ZFYVE28: variants seen among roughly 807,000 people sequenced by gnomAD.
The protein encoded by ZFYVE28 is zinc finger FYVE-type containing 28.
Under a neutral mutation model 82.1 loss-of-function variants are expected in ZFYVE28, and 40 were observed. That is an observed-to-expected ratio of 0.49 (90% CI 0.38 to 0.63). The LOEUF (loss-of-function observed/expected upper bound fraction) is 0.63, where lower values mean the gene tolerates loss of function less well. ZFYVE28 is among the 30% of genes least tolerant of loss of function. ZFYVE28 has a pLI of 0.00. For missense variants in ZFYVE28, 1,321 were observed against 1,242.1 expected (o/e 1.06, Z -0.96); for synonymous variants, 612 against 546.1 (o/e 1.12, Z -1.68).
At chr4:2,401,544 G>T (rs875134) in intron 1 of ZFYVE28, among the ~76,000 whole-genome samples, 52 of 151,708 alleles carry the variant, frequency 3.4e-4, no homozygotes, top group Middle Eastern at 3.4e-3. Flanking sequence ...CCCCACCCCA[G>T]GCCCTCCCCC....
chr4:2,386,491 A>G (rs1729271895), intron 1 of ZFYVE28, among the ~76,000 whole-genome samples: 1 of 151,968 alleles, frequency 6.6e-6, no homozygotes, highest in Non-Finnish European at 1.5e-5. Context: ...TCTCAAAACA[A>G]AAAGAGGTGG....
rs114687964 is a variant in ZFYVE28, at chr4:2,300,894, C to A, written c.2051+3395G>T. Among the ~76,000 whole-genome samples the A allele has an allele frequency of 1.3e-5, 2 of 152,096 alleles. No individual in the cohort carries two copies. The highest frequency in any genetic ancestry group is 6.5e-5 in the Admixed American group (1 of 15,278). On this transcript the variant is annotated intron_variant, in intron 8 of 12. Coordinates refer to ENST00000290974, the MANE Select transcript of ZFYVE28 (RefSeq NM_020972.3). The surrounding 1 kb of genome is among the most constrained non-coding windows in gnomAD (Gnocchi z 4.6). The stretch of plus-strand genomic sequence containing the variant: ...GAGCGGGTCTCACGGCCAAACAGGC[C>A]CGGGCTCTTCCAGATGCTCTCAGCT...
Position 2,361,925 on chromosome 4 carries a change from G to A in ZFYVE28, c.40-7852C>T, listed in dbSNP as rs370487831. Among the ~76,000 whole-genome samples, 142 of 152,228 alleles carry A rather than the reference G, an allele frequency of 9.3e-4. 2 individuals carry two copies. Among genetic ancestry groups the A allele is most frequent in the Middle Eastern group, 3.4e-3 (1 of 294 alleles). ...GGAGCAGGCAGGTGGCGGGACAGAT[G>A]GGAGGACAGGCAGCACAGCCAGGCC... On this transcript the variant is annotated intron_variant, in intron 1 of 12. Coordinates refer to ENST00000290974, the MANE Select transcript of ZFYVE28 (RefSeq NM_020972.3).
rs754133586 is a variant in ZFYVE28 at position 2,339,789 on chromosome 4, G to A, written c.319-134C>T. The A allele has an allele frequency of 1.2e-4, 88 of 749,984 alleles. No homozygotes were observed. The highest frequency in any genetic ancestry group is 2.5e-4 in the African/African-American group (14 of 56,484). The allele number at this position is 749,984 out of a possible 1,614,324, so 46.5% of individuals were successfully genotyped here. A position where few individuals can be genotyped will look rare whatever the true frequency, so the allele number is the denominator to read the frequency against. ...ACAGCACAGGCCAGCTCGTGTTCCC[G>A]GTCCCCGCAGGAGGTTTTTCTTACA... On this transcript the variant is annotated intron_variant, in intron 3 of 12. Transcript: ENST00000290974. The surrounding 1 kb of genome is among the most constrained non-coding windows in gnomAD (Gnocchi z 5.0).
At chr4:2,281,208 A>T (rs954876581) in intron 8 of ZFYVE28, among the ~76,000 whole-genome samples, 1 of 152,186 alleles carries the variant, frequency 6.6e-6, no homozygotes, top group South Asian at 2.1e-4. Flanking sequence ...GTACTGCCCA[A>T]GGGAACCGGC....
At chr4:2,274,542 A>G (rs575550891) in intron 8 of ZFYVE28, among the ~76,000 whole-genome samples, 6 of 152,166 alleles carry the variant, frequency 3.9e-5, no homozygotes, top group African/African-American at 9.6e-5. Context: ...GACTGCCCCT[A>G]TGGAAGCGTC....
intron 1 of ZFYVE28, among the ~76,000 whole-genome samples, chr4:2,401,220 G>A (rs1731139682): frequency 6.6e-6 from 1 of 152,218 alleles, no homozygotes; most frequent in Admixed American, 6.5e-5. Context: ...TGACACTGCA[G>A]GGCCCTGCCA....
At chr4:2,347,972 A>T (rs1258301543) in intron 2 of ZFYVE28, among the ~76,000 whole-genome samples, 2 of 152,176 alleles carry the variant, frequency 1.3e-5, no homozygotes, top group Non-Finnish European at 2.9e-5. Context: ...CAATCAGAGC[A>T]GAAATTTAAT....
At chr4:2,366,864 C>T (rs572321150) in intron 1 of ZFYVE28, among the ~76,000 whole-genome samples, 62 of 152,338 alleles carry the variant, frequency 4.1e-4, no homozygotes, top group Middle Eastern at 3.4e-3. Flanking sequence ...CAGCTGGGCA[C>T]GGCGCCACGC....
chr4:2,384,234 G>A (rs1729020861), intron 1 of ZFYVE28, among the ~76,000 whole-genome samples: 1 of 152,194 alleles, frequency 6.6e-6, no homozygotes, highest in African/African-American at 2.4e-5. Flanking sequence ...AACCGAGACT[G>A]CACTGCTGAC....
chr4:2,315,742 A>T (rs760508188), intron 7 of ZFYVE28, among the ~76,000 whole-genome samples: 2 of 152,098 alleles, frequency 1.3e-5, no homozygotes, highest in Non-Finnish European at 2.9e-5. Flanking sequence ...TTTCACTATG[A>T]TATACCCAGG....
intron 1 of ZFYVE28, among the ~76,000 whole-genome samples, chr4:2,395,645 G>A (rs1437221956): frequency 6.6e-6 from 1 of 152,222 alleles, no homozygotes; most frequent in Admixed American, 6.5e-5. Context: ...CTGGGAGCAG[G>A]AAACAGGGCT....
chr4:2,305,512 C>T lies in ZFYVE28; in HGVS notation c.828G>A (p.Glu276=). 1.2e-6 allele frequency: 2 copies of T among 1,613,002 alleles called. No individual in the cohort carries two copies. Among genetic ancestry groups the T allele is most frequent in the Non-Finnish European group, 1.7e-6 (2 of 1,180,034 alleles). Reference sequence around the variant, plus strand: ...TCCGTTCCAGCGTGTGCAGCTCCTCCTCCGTCAGCGTCTGCAGCAAATCCC... The same window carrying T: ...TCCGTTCCAGCGTGTGCAGCTCCTCTTCCGTCAGCGTCTGCAGCAAATCCC... ...KIRDLLQTLT[E]EELHTLERNL... The change falls in exon 8 of 13, where the codon GAG becomes GAA. Residue 276 remains glutamate (E), a synonymous_variant. Transcript: ENST00000290974.
intron 6 of ZFYVE28, among the ~76,000 whole-genome samples, chr4:2,333,298 G>T: frequency 9.4e-6 from 1 of 106,200 alleles, no homozygotes; most frequent in Non-Finnish European, 1.9e-5. Context: ...TCCCTCCTCT[G>T]GCCTCCCCTA....
At position 2,304,760 on chromosome 4, in the gene ZFYVE28, A is replaced by G. The variant is rs1379307071; in HGVS notation, c.1580T>C (p.Leu527Pro). Residue 527 changes from leucine (L) to proline (P), a missense_variant, in exon 8 of 13, where the codon CTG becomes CCG. Leu to Pro is a moderately conservative substitution (Grantham distance 98). Transcript: ENST00000290974. ...CTCCTGGGTGGCGACCGCAGAGTCCAGGGAAGTGGGCGATTTGGGGTTGAA... is the reference window on the plus strand; with the variant it reads ...CTCCTGGGTGGCGACCGCAGAGTCCGGGGAAGTGGGCGATTTGGGGTTGAA... ...VIFNPKSPTSLDSAVATQEAA... is the reference protein window; with the variant it reads ...VIFNPKSPTSPDSAVATQEAA... 1 of 1,612,620 alleles carries G rather than the reference A, an allele frequency of 6.2e-7. No individual in the cohort carries two copies. The highest frequency in any genetic ancestry group is 1.3e-5 in the African/African-American group (1 of 75,010).
chr4:2,393,707 G>A (rs377280428), intron 1 of ZFYVE28, among the ~76,000 whole-genome samples: 30 of 152,264 alleles, frequency 2.0e-4, no homozygotes, highest in Middle Eastern at 3.4e-3. Context: ...GACTCCCGCC[G>A]GCCCCTTGCC....
chr4:2,284,933 T>C (rs767458475), intron 8 of ZFYVE28, among the ~76,000 whole-genome samples: 2 of 152,192 alleles, frequency 1.3e-5, no homozygotes, highest in African/African-American at 4.8e-5. Flanking sequence ...TGGGGTTGAA[T>C]TGGGGCCCCC....
chr4:2,411,028 GA>G (rs1184736165), intron 1 of ZFYVE28, among the ~76,000 whole-genome samples: 4 of 152,096 alleles, frequency 2.6e-5, no homozygotes, highest in Admixed American at 1.3e-4. Context: ...GAAATCCAAA[GA>G]AAAAAACATT....
At chr4:2,309,866 T>G (rs1717231645) in intron 7 of ZFYVE28, among the ~76,000 whole-genome samples, 1 of 152,164 alleles carries the variant, frequency 6.6e-6, no homozygotes, top group Non-Finnish European at 1.5e-5. Context: ...TTGTTCTGTT[T>G]TGTTTATTGC....
Sources: allele counts gnomAD v4.1 joint callset (sites outside exome capture counted in the v4.1 genomes callset), GRCh38; gene constraint gnomAD v4.1.1; non-coding constraint Gnocchi (gnomAD v3.1); transcripts MANE v1.5; gene names NCBI Gene and HGNC (gene_info 2026-07-23, HGNC 2026-07-21).